Variants in GABRA3 observed in about 807,000 individuals in gnomAD.
The protein encoded by GABRA3 is gamma-aminobutyric acid type A receptor subunit alpha3.
GABRA3 carries 10 observed loss-of-function variants against 30.1 expected under a neutral mutation model. The ratio of observed to expected loss-of-function variants is 0.33; its 90% CI spans 0.20 to 0.56. The LOEUF (loss-of-function observed/expected upper bound fraction) is 0.56, where lower values mean the gene tolerates loss of function less well. GABRA3 is among the 20% of genes least tolerant of loss of function. The pLI is 0.89. For synonymous variants in GABRA3, 151 were observed against 146.8 expected (o/e 1.03, Z -0.21); for missense variants, 233 against 392.0 (o/e 0.59, Z 3.42).
intron 3 of GABRA3, among the ~76,000 whole-genome samples, chrX:152,300,827 C>T (rs898517316): frequency 5.5e-4 from 62 of 111,736 alleles, no homozygotes; most frequent in African/African-American, 2.0e-3. Flanking sequence ...TAGAAATCAT[C>T]CAATATGAGA....
chrX:152,276,292 G>T (rs1939084256), intron 4 of GABRA3, among the ~76,000 whole-genome samples: 1 of 111,711 alleles, frequency 9.0e-6, no homozygotes, highest in African/African-American at 3.3e-5. Context: ...AAGGTAATCA[G>T]AAAAATGCAA....
At chrX:152,270,811 C>T (rs994279934) in intron 4 of GABRA3, among the ~76,000 whole-genome samples, 1 of 106,906 alleles carries the variant, frequency 9.4e-6, no homozygotes, top group Non-Finnish European at 1.9e-5. Flanking sequence ...GCCAAGAACG[C>T]ATCACTACAC....
rs1298948521 is a variant in GABRA3 at position 152,251,146 on chromosome X, T to C, written c.551+4632A>G. The C allele has an allele frequency of 9.2e-6, 3 of 327,556 alleles. No individual in the cohort carries two copies. In the Admixed American group the frequency reaches 1.0e-4, roughly 11 times the overall value. 27.0% of individuals were successfully genotyped at this position (327,556 alleles called of 1,213,427 possible). A position where few individuals can be genotyped will look rare whatever the true frequency, so the allele number is the denominator to read the frequency against. On this transcript the variant is annotated intron_variant, in intron 5 of 9. Coordinates refer to ENST00000370314, the MANE Select transcript of GABRA3 (RefSeq NM_000808.4). ...GTGTAGGAAACCGATGGCTTCATCA[T>C]GCTTCTGTGCTTCTGTACTTCCTCT...
intron 6 of GABRA3, among the ~76,000 whole-genome samples, 169 bp from the exon 7 acceptor site, chrX:152,208,313 A>G (rs752595597): frequency 8.9e-6 from 1 of 112,334 alleles, no homozygotes; most frequent in African/African-American, 3.2e-5. Flanking sequence ...CCATCCATCC[A>G]TACAATAAAC....
rs755434361 is a variant in GABRA3 at position 152,448,013 on chromosome X, G to A, written c.-27+3133C>T. Among the ~76,000 whole-genome samples the A allele has an allele frequency of 1.5e-3, 166 of 112,373 alleles. No homozygotes were observed. The South Asian group carries it at 0.016, about 11-fold the overall frequency. On this transcript the variant is annotated intron_variant, in intron 1 of 9. Transcript: ENST00000370314. ...CTGTAGAATCTAATAATACAAATGC[G>A]GGCTTATCTTTTGTATGTCTTTTCT... is the stretch of plus-strand genomic sequence containing the variant.
At chrX:152,272,298 G>A (rs1938957488) in intron 4 of GABRA3, among the ~76,000 whole-genome samples, 1 of 112,441 alleles carries the variant, frequency 8.9e-6, no homozygotes, top group Non-Finnish European at 1.9e-5. Flanking sequence ...TCTTGCATCG[G>A]CATGACCTAG....
intron 3 of GABRA3, among the ~76,000 whole-genome samples, chrX:152,292,671 C>T (rs922317697): frequency 4.1e-4 from 46 of 111,972 alleles, no homozygotes; most frequent in African/African-American, 1.4e-3. Flanking sequence ...TTCCTGCTTT[C>T]TCTTGAGGGC....
chrX:152,214,119 C>G (rs1211056121), intron 6 of GABRA3, among the ~76,000 whole-genome samples: 1 of 110,937 alleles, frequency 9.0e-6, no homozygotes, highest in Non-Finnish European at 1.9e-5. Context: ...TTATTCCACT[C>G]TCTGTATCCA....
intron 5 of GABRA3, among the ~76,000 whole-genome samples, chrX:152,236,072 C>G (rs1235859365): frequency 2.2e-5 from 2 of 92,815 alleles, no homozygotes; most frequent in African/African-American, 7.9e-5. Context: ...TATACATGTG[C>G]CATGCTGGTG....
At chrX:152,418,022 T>G (rs1225176660) in intron 1 of GABRA3, among the ~76,000 whole-genome samples, 1 of 105,013 alleles carries the variant, frequency 9.5e-6, no homozygotes, top group Non-Finnish European at 1.9e-5. Flanking sequence ...ACTTAATGTA[T>G]AATAAAAAAA....
chrX:152,288,964 T>C (rs1274336083), intron 3 of GABRA3, among the ~76,000 whole-genome samples: 2 of 110,446 alleles, frequency 1.8e-5, no homozygotes, highest in Non-Finnish European at 1.9e-5. Flanking sequence ...TTGGAAGCAC[T>C]TGGATGATCC....
chrX:152,370,681 A>G lies in GABRA3; in HGVS notation c.-26-6085T>C, dbSNP rs757760406. ...CTGTAAACTACAGGTCTATTATTTG[A>G]CCTCTTTTCCTCCAATGAGCCTCAG... On this transcript the variant is annotated intron_variant, in intron 1 of 9. Coordinates refer to ENST00000370314, the MANE Select transcript of GABRA3 (RefSeq NM_000808.4). Among the ~76,000 whole-genome samples, 6 of 111,129 alleles carry G rather than the reference A, an allele frequency of 5.4e-5. No homozygotes were observed. The East Asian group carries it at 1.4e-3, about 26-fold the overall frequency.
At chrX:152,243,206 G>A (rs1462627413) in intron 5 of GABRA3, among the ~76,000 whole-genome samples, 2 of 111,648 alleles carry the variant, frequency 1.8e-5, no homozygotes, top group African/African-American at 6.5e-5. Flanking sequence ...GGAGGATTGA[G>A]GAGATGTTGG....
chrX:152,344,067 A>T (rs1940355079), intron 3 of GABRA3, among the ~76,000 whole-genome samples: 1 of 111,837 alleles, frequency 8.9e-6, no homozygotes, highest in African/African-American at 3.2e-5. Flanking sequence ...GAGGACACCT[A>T]GCAGCCAGAA....
chrX:152,255,400 C>A (rs958972581), intron 5 of GABRA3, among the ~76,000 whole-genome samples: 3 of 111,944 alleles, frequency 2.7e-5, no homozygotes, highest in Admixed American at 9.5e-5. Context: ...TGCAGTTAAA[C>A]CTAGTCAATT....
intron 1 of GABRA3, among the ~76,000 whole-genome samples, chrX:152,370,640 T>C (rs769217259): frequency 8.9e-6 from 1 of 111,918 alleles, no homozygotes; most frequent in Non-Finnish European, 1.9e-5. Flanking sequence ...GCTTGACATA[T>C]AGTAAATTTT....
intron 7 of GABRA3, among the ~76,000 whole-genome samples, chrX:152,203,095 C>T (rs1405128181): frequency 9.0e-6 from 1 of 111,711 alleles, no homozygotes; most frequent in Non-Finnish European, 1.9e-5. Flanking sequence ...GCTGGCAATG[C>T]CCAGAGAGGA....
At chrX:152,307,403 C>T (rs1939735572) in intron 3 of GABRA3, among the ~76,000 whole-genome samples, 1 of 111,615 alleles carries the variant, frequency 9.0e-6, no homozygotes, top group Non-Finnish European at 1.9e-5. Context: ...GAAGAAATGA[C>T]TCATCTCCTA....
intron 1 of GABRA3, among the ~76,000 whole-genome samples, chrX:152,433,034 A>G (rs1930687566): frequency 9.0e-6 from 1 of 111,669 alleles, no homozygotes; most frequent in Non-Finnish European, 1.9e-5. Context: ...TATAAAAAAA[A>G]GAAGTATAGG....
Sources: allele counts gnomAD v4.1 joint callset (sites outside exome capture counted in the v4.1 genomes callset), GRCh38; gene constraint gnomAD v4.1.1; transcripts MANE v1.5; gene names NCBI Gene and HGNC (gene_info 2026-07-23, HGNC 2026-07-21).